The following TXNDC8 variants were observed in gnomAD, a reference collection of about 807,000 sequenced individuals.
TXNDC8 encodes the protein thioredoxin domain-containing protein 8.
Under a neutral mutation model 12.9 loss-of-function variants are expected in TXNDC8, and 15 were observed. The observed-to-expected ratio is 1.16, with a 90% CI of 0.78 to 1.79. The LOEUF (loss-of-function observed/expected upper bound fraction) is 1.79. Ranked by LOEUF, TXNDC8 falls within the 40% of genes most tolerant of loss-of-function variation. The probability of loss-of-function intolerance (pLI) is 0.00; values close to 1 mark genes in which losing one functional copy is unlikely to be tolerated. For synonymous variants in TXNDC8, 40 were observed against 35.4 expected (o/e 1.13, Z -0.46); for missense variants, 128 against 113.2 (o/e 1.13, Z -0.59).
At chr9:110,334,868 C>T (rs750104779) in intron 1 of TXNDC8, among the ~76,000 whole-genome samples, 8 of 150,856 alleles carry the variant, frequency 5.3e-5, no homozygotes, top group Non-Finnish European at 1.0e-4. Context: ...TAATCTCACA[C>T]CTTGAGTAAT....
chr9:110,334,648 A>T (rs1839679435), intron 1 of TXNDC8, among the ~76,000 whole-genome samples: 1 of 152,206 alleles, frequency 6.6e-6, no homozygotes. Context: ...TTGTAAGTAC[A>T]TAAAAATCAT....
intron 3 of TXNDC8, among the ~76,000 whole-genome samples, chr9:110,311,520 G>GATATATATAT (rs1564095989): frequency 1.2e-4 from 2 of 16,532 alleles, no homozygotes; most frequent in African/African-American, 3.8e-4. Flanking sequence ...AAAATAAAGA[G>GATATATATAT]GTATATATAT....
intron 3 of TXNDC8, among the ~76,000 whole-genome samples, chr9:110,314,436 TTC>T (rs1192299996): frequency 3.8e-4 from 49 of 127,512 alleles, no homozygotes; most frequent in African/African-American, 1.3e-3. Context: ...TTTTTCTTTT[TTC>T]TTTTTTTTTT....
chr9:110,326,498 T>C (rs938862636), intron 2 of TXNDC8, among the ~76,000 whole-genome samples: 23 of 152,178 alleles, frequency 1.5e-4, no homozygotes, highest in African/African-American at 5.3e-4. Context: ...GGGTAAGAGA[T>C]GGAGGCCACA....
chr9:110,314,698 C>T (rs1036314896), intron 3 of TXNDC8, among the ~76,000 whole-genome samples: 1 of 152,158 alleles, frequency 6.6e-6, no homozygotes, highest in African/African-American at 2.4e-5. Flanking sequence ...TCCCAAAGTG[C>T]TGGGATTACA....
intron 3 of TXNDC8, among the ~76,000 whole-genome samples, chr9:110,309,559 C>T (rs111842274): frequency 0.037 from 5,672 of 152,238 alleles, 333 homozygotes; most frequent in African/African-American, 0.13. Flanking sequence ...TGGGCTTGAA[C>T]GCCTGACTTC....
chr9:110,310,761 TTTGTTTGCATTTATTAATCAA>T (rs1362296728), intron 3 of TXNDC8, among the ~76,000 whole-genome samples: 1 of 152,232 alleles, frequency 6.6e-6, no homozygotes, highest in Non-Finnish European at 1.5e-5. Flanking sequence ...AGCATACATT[TTTGTTTGCATTTATTAATCAA>T]GCAATTTCAT....
chr9:110,309,615 C>T (rs888334249), intron 3 of TXNDC8, among the ~76,000 whole-genome samples: 25 of 152,118 alleles, frequency 1.6e-4, no homozygotes, highest in African/African-American at 6.0e-4. Flanking sequence ...GGATTACAGG[C>T]GTGAGCCACT....
intron 2 of TXNDC8, among the ~76,000 whole-genome samples, chr9:110,327,305 A>G (rs901142856): frequency 2.1e-5 from 3 of 145,772 alleles, no homozygotes; most frequent in African/African-American, 5.2e-5. Context: ...AAAAATTTGT[A>G]CACTAATGTT....
intron 3 of TXNDC8, among the ~76,000 whole-genome samples, chr9:110,307,822 T>C (rs1034478216): frequency 1.3e-5 from 2 of 152,232 alleles, no homozygotes; most frequent in Non-Finnish European, 2.9e-5. Context: ...ACCAAACCAG[T>C]GTTCATCATA....
intron 2 of TXNDC8, among the ~76,000 whole-genome samples, chr9:110,333,764 A>T (rs1207875592): frequency 6.6e-6 from 1 of 152,222 alleles, no homozygotes. Context: ...TATATCAATA[A>T]AGCTGTAGGA....
chr9:110,323,367 A>G (rs1266709421), intron 3 of TXNDC8: 2 of 982,496 alleles, frequency 2.0e-6, no homozygotes, highest in African/African-American at 1.7e-5. Context: ...AGAGAAGAAA[A>G]TTTCCAGAAT....
At chr9:110,332,371 C>A (rs981452232) in intron 2 of TXNDC8, among the ~76,000 whole-genome samples, 16 of 152,146 alleles carry the variant, frequency 1.1e-4, no homozygotes, top group Middle Eastern at 3.2e-3. Flanking sequence ...TCTAGATATT[C>A]TAAGAATTTT....
chr9:110,324,377 A>C (rs77576092), intron 3 of TXNDC8, among the ~76,000 whole-genome samples: 1 of 152,246 alleles, frequency 6.6e-6, no homozygotes, highest in Admixed American at 6.5e-5. Flanking sequence ...AAAATAATTT[A>C]AATATATTGC....
At chr9:110,329,849 C>A (rs1168867840) in intron 2 of TXNDC8, among the ~76,000 whole-genome samples, 1 of 152,186 alleles carries the variant, frequency 6.6e-6, no homozygotes, top group Non-Finnish European at 1.5e-5. Context: ...TGTGTGGAAA[C>A]TAGATTTTCC....
intron 3 of TXNDC8, among the ~76,000 whole-genome samples, chr9:110,312,600 T>C (rs1474489659): frequency 1.3e-5 from 2 of 152,136 alleles, no homozygotes; most frequent in African/African-American, 4.8e-5. Context: ...GGGCTCAGCT[T>C]CAAAAAAGTC....
intron 3 of TXNDC8, chr9:110,323,713 T>G (rs745562011): frequency 5.7e-4 from 458 of 804,488 alleles, no homozygotes; most frequent in Admixed American, 1.1e-3. Context: ...CAGGCATGGA[T>G]AGATTCAGGG....
At chr9:110,323,991 G>C (rs1284281856) in intron 3 of TXNDC8, 1 of 1,550,344 alleles carries the variant, frequency 6.5e-7, no homozygotes, top group Non-Finnish European at 8.7e-7. Flanking sequence ...TGTAGGCCTG[G>C]AGATGGAGCC....
At chr9:110,321,253 G>A (rs189263972) in intron 3 of TXNDC8, among the ~76,000 whole-genome samples, 4 of 152,304 alleles carry the variant, frequency 2.6e-5, no homozygotes, top group Admixed American at 2.6e-4. Context: ...AGATTACTGT[G>A]TTTGAGCAGA....
Sources: allele counts gnomAD v4.1 joint callset (sites outside exome capture counted in the v4.1 genomes callset), GRCh38; gene constraint gnomAD v4.1.1; transcripts MANE v1.5; gene names NCBI Gene and HGNC (gene_info 2026-07-23, HGNC 2026-07-21).